Variants in MACF1 observed in about 807,000 individuals in gnomAD.
The protein encoded by MACF1 is microtubule actin crosslinking factor 1, also known as microtubule-actin cross-linking factor 1.
In MACF1, 193 loss-of-function variants were observed where a neutral mutation model predicts 854.8. The observed-to-expected ratio is 0.23, with a 90% confidence interval of 0.20 to 0.25. The LOEUF (loss-of-function observed/expected upper bound fraction) is 0.25, where lower values mean the gene tolerates loss of function less well. Ranked by LOEUF, MACF1 falls within the 10% of genes least tolerant of loss-of-function variation. MACF1 has a pLI of 1.00. For synonymous variants in MACF1, 3,185 were observed against 3,226.7 expected (o/e 0.99, Z 0.44); for missense variants, 7,722 against 8,929.1 (o/e 0.86, Z 5.45).
At chr1:39,120,447 C>G (rs1040729563) in intron 2 of MACF1, among the ~76,000 whole-genome samples, 4 of 152,042 alleles carry the variant, frequency 2.6e-5, no homozygotes, top group Admixed American at 2.6e-4. Context: ...TCACTGTAAC[C>G]TCTGCATTCT....
chr1:39,303,015 T>C lies in MACF1; in HGVS notation c.2726T>C (p.Met909Thr), dbSNP rs531110930. ...ATCAGCCCCACAGGGAACGAGGCAA[T>C]GGTGCCGTCAGTCTGCTTCCTCATC... ...KVISPTGNEA[M>T]VPSVCFLIPP... The change falls in exon 23 of 101, where the codon ATG becomes ACG. Residue 909 changes from methionine to threonine, a missense_variant. Physicochemically the swap from Met to Thr is moderately conservative, Grantham distance 81. Coordinates refer to ENST00000564288, the MANE Select transcript of MACF1 (RefSeq NM_001394062.1). 2.8e-5 allele frequency: 46 copies of C among 1,614,156 alleles called. 1 individual carries two copies. In the South Asian group the frequency reaches 4.7e-4, roughly 17 times the overall value.
chr1:39,156,717 A>G (rs1051687891), intron 2 of MACF1, among the ~76,000 whole-genome samples: 3 of 152,218 alleles, frequency 2.0e-5, no homozygotes, highest in African/African-American at 7.2e-5. Context: ...CTCTACAAGA[A>G]TCTATATTTG....
intron 58 of MACF1, among the ~76,000 whole-genome samples, chr1:39,402,533 G>T (rs928401379): frequency 6.6e-5 from 10 of 152,172 alleles, no homozygotes; most frequent in African/African-American, 2.4e-4. Context: ...GCCTCAAGAG[G>T]AGAGGAAGAG....
In MACF1 at chr1:39,429,905, A is replaced by G; in HGVS notation, c.16967A>G (p.Lys5656Arg). 4 of 1,614,194 alleles carry G rather than the reference A, an allele frequency of 2.5e-6. No homozygotes were observed. Among genetic ancestry groups the G allele is most frequent in the Non-Finnish European group, 3.4e-6 (4 of 1,180,016 alleles). Residue 5656 changes from lysine (K) to arginine (R), a missense_variant, in exon 65 of 101, where the codon AAG becomes AGG. Physicochemically the swap from Lys to Arg is conservative, Grantham distance 26 (BLOSUM62 2). Transcript: ENST00000564288. ...RYADITVTSS[K>R]ALRTLEQARQ... ...GCAGACATCACAGTTACTAGCTCCA[A>G]GGCCCTCAGAACTTTAGAGCAAGCC...
chr1:39,324,144 C>A lies in MACF1; in HGVS notation c.4237-49C>A, dbSNP rs190135291. The A allele has an allele frequency of 6.5e-6, 10 of 1,529,428 alleles. No homozygotes were observed. The African/African-American group carries it at 1.4e-4, about 21-fold the overall frequency. 94.7% of individuals were successfully genotyped at this position (1,529,428 alleles called of 1,614,324 possible). A position where few individuals can be genotyped will look rare whatever the true frequency, so the allele number is the denominator to read the frequency against. Reference sequence around the variant, plus strand: ...TTAAGAAAATCTGAAGTCGTGCCAGCCTAATAAAAGACATTGCTAGCATAT... The same window carrying A: ...TTAAGAAAATCTGAAGTCGTGCCAGACTAATAAAAGACATTGCTAGCATAT... On this transcript the variant is annotated intron_variant, in intron 33 of 100. Transcript: ENST00000564288.
rs755333580 is a variant in MACF1, at chr1:39,361,344, G to T, written c.12454-16G>T. On this transcript the variant is annotated splice_polypyrimidine_tract_variant and intron_variant, in intron 48 of 100. Transcript: ENST00000564288. ...ATAAGTGAACCAGGAGCTGACAGAC[G>T]TGTTCTTCATGACAGAAATTGAAGC... 12 of 1,608,092 alleles carry T rather than the reference G, an allele frequency of 7.5e-6. No individual in the cohort carries two copies. Among genetic ancestry groups the T allele is most frequent in the Non-Finnish European group, 9.4e-6 (11 of 1,175,500 alleles).
intron 2 of MACF1, among the ~76,000 whole-genome samples, chr1:39,187,994 TCCC>T (rs1644200668): frequency 1.1e-5 from 1 of 94,826 alleles, no homozygotes; most frequent in Non-Finnish European, 2.0e-5. Flanking sequence ...TCCCCTCCCC[TCCC>T]CTTCCCTTCC....
At chr1:39,322,500 A>G (rs1476014869) in intron 31 of MACF1, 108 bp from the exon 32 acceptor site, 1 of 885,012 alleles carries the variant, frequency 1.1e-6, no homozygotes, top group Non-Finnish European at 1.8e-6. Context: ...AACCTCCAGC[A>G]TGAGTGGTCA....
At position 39,172,678 on chromosome 1, in the gene MACF1, G is replaced by A. The variant is rs532184717; in HGVS notation, c.221-58504G>A. Among the ~76,000 whole-genome samples the A allele has an allele frequency of 1.6e-3, 248 of 152,334 alleles. 1 individual carries two copies. Among genetic ancestry groups the A allele is most frequent in the African/African-American group, 5.7e-3 (239 of 41,574 alleles). Reference sequence around the variant, plus strand: ...TGTTCACCACTCTAACAGAGTCCTGGCTGCTAGGAGATGAGCCATCAGGCC... The same window carrying A: ...TGTTCACCACTCTAACAGAGTCCTGACTGCTAGGAGATGAGCCATCAGGCC... On this transcript the variant is annotated intron_variant, in intron 2 of 93. Coordinates refer to the MACF1 transcript ENST00000361689.
chr1:39,459,694 A>G (rs1399605833), intron 91 of MACF1: 3 of 462,508 alleles, frequency 6.5e-6, no homozygotes, highest in Non-Finnish European at 1.1e-5. Flanking sequence ...TCTTCACTTG[A>G]TCATGAGAAG....
rs750005987 is a variant in MACF1 at position 39,332,207 on chromosome 1, T to C, written c.5619T>C (p.Thr1873=). The C allele has an allele frequency of 1.2e-6, 2 of 1,614,012 alleles. No homozygotes were observed. The highest frequency in any genetic ancestry group is 1.7e-6 in the Non-Finnish European group (2 of 1,180,046). Residue 1873 remains threonine, a synonymous_variant, in exon 37 of 101, where the codon ACT becomes ACC. Coordinates refer to ENST00000564288, the MANE Select transcript of MACF1 (RefSeq NM_001394062.1). The part of the protein sequence containing the change: ...TDALEQGIVS[T]ELAHKILSNR... ...CCCTAGAACAAGGTATTGTGTCTACTGAACTAGCACATAAAATCCTTAGTA... is the reference window on the plus strand; with the variant it reads ...CCCTAGAACAAGGTATTGTGTCTACCGAACTAGCACATAAAATCCTTAGTA...
At chr1:39,307,776 G>T (rs1646213607) in intron 23 of MACF1, among the ~76,000 whole-genome samples, 1 of 151,194 alleles carries the variant, frequency 6.6e-6, no homozygotes, top group Non-Finnish European at 1.5e-5. Context: ...GTTTCGCCAT[G>T]TTGGCCAGGC....
intron 41 of MACF1, among the ~76,000 whole-genome samples, chr1:39,347,724 A>G (rs1647087012): frequency 6.6e-6 from 1 of 152,174 alleles, no homozygotes; most frequent in Non-Finnish European, 1.5e-5. Context: ...GAATCGTATT[A>G]ATTTTTGGCT....
intron 22 of MACF1, among the ~76,000 whole-genome samples, chr1:39,301,326 C>G (rs1446461134): frequency 6.6e-6 from 1 of 152,070 alleles, no homozygotes; most frequent in African/African-American, 2.4e-5. Flanking sequence ...TGGGGTTTCA[C>G]TGTGTTAGCC....
chr1:39,245,953 C>A (rs1311593990), intron 2 of MACF1, among the ~76,000 whole-genome samples: 4 of 152,174 alleles, frequency 2.6e-5, no homozygotes, highest in Admixed American at 2.6e-4. Context: ...GAGAAATAGT[C>A]TCACAAAAGC....
intron 23 of MACF1, among the ~76,000 whole-genome samples, chr1:39,305,611 T>A (rs1174988382): frequency 6.6e-6 from 1 of 152,238 alleles, no homozygotes; most frequent in African/African-American, 2.4e-5. Context: ...AGTTTTTGTT[T>A]AAGTTGCTAT....
At chr1:39,228,226 G>A (rs569425660) in intron 1 of MACF1, among the ~76,000 whole-genome samples, 19 of 152,202 alleles carry the variant, frequency 1.2e-4, no homozygotes, top group African/African-American at 3.9e-4. Flanking sequence ...CAGGAGAATC[G>A]CTGGAACCCA....
At chr1:39,470,304 A>G (rs900761271) in intron 97 of MACF1, among the ~76,000 whole-genome samples, 1 of 152,208 alleles carries the variant, frequency 6.6e-6, no homozygotes, top group Non-Finnish European at 1.5e-5. Flanking sequence ...TGTTTACTAC[A>G]GTAAACCAGA....
intron 44 of MACF1, among the ~76,000 whole-genome samples, chr1:39,356,669 C>A (rs1444151499): frequency 6.6e-6 from 1 of 152,154 alleles, no homozygotes; most frequent in Non-Finnish European, 1.5e-5. Context: ...CCATGCCTGG[C>A]CAAACTTACA....
Sources: allele counts gnomAD v4.1 joint callset (sites outside exome capture counted in the v4.1 genomes callset), GRCh38; gene constraint gnomAD v4.1.1; transcripts MANE v1.5; gene names NCBI Gene and HGNC (gene_info 2026-07-23, HGNC 2026-07-21).